PPP4R1: variants seen among roughly 807,000 people sequenced by gnomAD.
PPP4R1 encodes protein phosphatase 4 regulatory subunit 1.
Under a neutral mutation model 111.2 loss-of-function variants are expected in PPP4R1, and 42 were observed. That is an observed-to-expected ratio of 0.38 (90% CI 0.29 to 0.49). The LOEUF (loss-of-function observed/expected upper bound fraction) is 0.49. PPP4R1 is among the 20% of genes least tolerant of loss of function. The pLI, the probability that PPP4R1 is intolerant of heterozygous loss-of-function variation, is 0.97. For missense variants in PPP4R1, 1,012 were observed against 1,161.6 expected (o/e 0.87, Z 1.87); for synonymous variants, 409 against 405.5 (o/e 1.01, Z -0.10).
intron 2 of PPP4R1, among the ~76,000 whole-genome samples, chr18:9,597,048 G>T (rs1451377076): frequency 1.3e-5 from 2 of 152,182 alleles, no homozygotes; most frequent in Non-Finnish European, 1.5e-5. Flanking sequence ...CAGGAGGACT[G>T]TTTGAGCACG....
In PPP4R1 at chr18:9,588,379, T is replaced by C. The variant is rs1466493291; in HGVS notation, c.439-144A>G. On this transcript the variant is annotated intron_variant, in intron 5 of 19. Transcript: ENST00000400556. ...CAAATAAATATTTGTGTTTATTTTC[T>C]TCAACTATTACAAAGACTACAGAAC... The C allele has an allele frequency of 7.3e-6, 7 of 963,900 alleles. No individual in the cohort carries two copies. The East Asian group carries it at 1.6e-4, about 22-fold the overall frequency. The allele number at this position is 963,900 out of a possible 1,614,324, so 59.7% of individuals were successfully genotyped here.
intron 2 of PPP4R1, among the ~76,000 whole-genome samples, chr18:9,602,849 T>C (rs2067414326): frequency 6.9e-6 from 1 of 144,788 alleles, no homozygotes; most frequent in African/African-American, 2.7e-5. Context: ...ACCATAAAAT[T>C]GTACATAGTC....
chr18:9,559,684 AT>A (rs1568089996), intron 13 of PPP4R1, 80 bp from the exon 14 acceptor site: 1 of 1,056,476 alleles, frequency 9.5e-7, no homozygotes, highest in Non-Finnish European at 1.3e-6. Flanking sequence ...GGGCAAAATT[AT>A]TTTTAAATAT....
chr18:9,595,576 CATT>C (rs2067277788), intron 2 of PPP4R1, among the ~76,000 whole-genome samples: 1 of 152,144 alleles, frequency 6.6e-6, no homozygotes, highest in Admixed American at 6.6e-5. Flanking sequence ...AAGCTAAAAA[CATT>C]AATATATTTA....
At chr18:9,600,200 A>C (rs1340847482) in intron 2 of PPP4R1, among the ~76,000 whole-genome samples, 3 of 36,844 alleles carry the variant, frequency 8.1e-5, no homozygotes, top group South Asian at 8.9e-4. Flanking sequence ...ATTTCCCAAA[A>C]AAAAAAAAAA....
At chr18:9,552,148 C>G (rs1169551570) in intron 16 of PPP4R1, among the ~76,000 whole-genome samples, 1 of 152,194 alleles carries the variant, frequency 6.6e-6, no homozygotes, top group African/African-American at 2.4e-5. Context: ...TTTGAAAATG[C>G]AGGTGAGGTC....
Position 9,614,083 on chromosome 18 carries a change from C to T in PPP4R1, c.52+143G>A. On this transcript the variant is annotated intron_variant, in intron 2 of 19. Coordinates refer to ENST00000400556, the MANE Select transcript of PPP4R1 (RefSeq NM_001042388.3). This position sits in a 1 kb window ranked among gnomAD's most constrained non-coding sequence, Gnocchi z 4.1. ...CTCACGGACGCGAGATTTTCCCCCCCGATCGCCACCCCAGCCCGCCTGGGG... is the reference window on the plus strand; with the variant it reads ...CTCACGGACGCGAGATTTTCCCCCCTGATCGCCACCCCAGCCCGCCTGGGG... 1 of 648,910 alleles carries T rather than the reference C, an allele frequency of 1.5e-6. No individual in the cohort carries two copies. Among genetic ancestry groups the T allele is most frequent in the Non-Finnish European group, 2.1e-6 (1 of 475,450 alleles). 40.2% of individuals were successfully genotyped at this position (648,910 alleles called of 1,614,324 possible).
In PPP4R1 at chr18:9,546,859, GCA is replaced by G; in HGVS notation, c.*928_*929del. On this transcript the variant is annotated 3_prime_UTR_variant, in exon 20 of 20. Transcript: ENST00000400556. ...AAATCATTAATACAGGTCACAAATT[GCA>G]TTTATTGGTAGACATCTAGAAAACA... 6.6e-6 allele frequency: 1 copy of G among 152,262 alleles called. No homozygotes were observed. Among genetic ancestry groups the G allele is most frequent in the East Asian group, 1.9e-4 (1 of 5,184 alleles). 9.4% of individuals were successfully genotyped at this position (152,262 alleles called of 1,614,324 possible). A position where few individuals can be genotyped will look rare whatever the true frequency, so the allele number is the denominator to read the frequency against.
intron 13 of PPP4R1, among the ~76,000 whole-genome samples, chr18:9,561,487 A>G (rs1316229425): frequency 6.6e-6 from 1 of 152,126 alleles, no homozygotes; most frequent in Admixed American, 6.5e-5. Context: ...AAAAGAAAAG[A>G]GCAAGGCAAG....
chr18:9,578,148 T>C (rs1325355381), intron 9 of PPP4R1, among the ~76,000 whole-genome samples: 2 of 152,224 alleles, frequency 1.3e-5, no homozygotes, highest in Admixed American at 1.3e-4. Flanking sequence ...TATGGAAGGA[T>C]GGACACAATC....
intron 2 of PPP4R1, among the ~76,000 whole-genome samples, chr18:9,595,433 T>C (rs1343433754): frequency 6.6e-6 from 1 of 152,164 alleles, no homozygotes; most frequent in African/African-American, 2.4e-5. Flanking sequence ...GTGACCAGTC[T>C]TGAGAACATG....
chr18:9,578,974 G>C (rs925065880), intron 9 of PPP4R1, among the ~76,000 whole-genome samples: 1 of 152,182 alleles, frequency 6.6e-6, no homozygotes, highest in African/African-American at 2.4e-5. Context: ...CTTGTTGTTA[G>C]ATTAGAATGA....
chr18:9,548,535 T>C (rs773617255), intron 19 of PPP4R1, among the ~76,000 whole-genome samples: 17 of 152,030 alleles, frequency 1.1e-4, no homozygotes, highest in Non-Finnish European at 2.2e-4. Flanking sequence ...AGAGCAAACA[T>C]AGGTAGGTAC....
chr18:9,601,219 GA>G (rs1167894771), intron 2 of PPP4R1, among the ~76,000 whole-genome samples: 6,503 of 140,728 alleles, frequency 0.046, 432 homozygotes, highest in African/African-American at 0.15. Flanking sequence ...TTTTTTTGGG[GA>G]AAAAAAAAAA....
At chr18:9,572,540 A>G (rs936879739) in intron 10 of PPP4R1, among the ~76,000 whole-genome samples, 1 of 152,228 alleles carries the variant, frequency 6.6e-6, no homozygotes, top group Non-Finnish European at 1.5e-5. Flanking sequence ...CTGAATATGT[A>G]GGTAAATTTG....
intron 11 of PPP4R1, among the ~76,000 whole-genome samples, chr18:9,564,737 T>TGTGTGTGTGTGGGG (rs1475596391): frequency 8.8e-5 from 6 of 67,980 alleles, no homozygotes; most frequent in East Asian, 4.8e-4. Flanking sequence ...TGTGTGTGTG[T>TGTGTGTGTGTGGGG]GGGGGTATCA....
Position 9,570,229 on chromosome 18 carries a change from T to C in PPP4R1, c.1501A>G (p.Met501Val), listed in dbSNP as rs748719001. The C allele has an allele frequency of 5.1e-6, 8 of 1,582,438 alleles. No individual in the cohort carries two copies. In the Admixed American group the frequency reaches 1.4e-4, roughly 27 times the overall value. Residue 501 changes from methionine (M) to valine (V), a missense_variant, in exon 11 of 20, where the codon ATG becomes GTG. Transcript: ENST00000400556. ...GPVPSSPNIT[M>V]ATRKELEEMI... is the part of the protein sequence containing the mutation. ...TCTTCCAGTTCCTTTCTGGTGGCCA[T>C]GGTGATGTTTGGAGAACTGGGCACA... is the stretch of plus-strand genomic sequence containing the variant.
intron 10 of PPP4R1, among the ~76,000 whole-genome samples, chr18:9,571,358 C>A (rs2066858577): frequency 6.6e-6 from 1 of 152,094 alleles, no homozygotes; most frequent in Non-Finnish European, 1.5e-5. Flanking sequence ...CTGATTACTG[C>A]CATCTATTAT....
intron 10 of PPP4R1, among the ~76,000 whole-genome samples, chr18:9,571,301 C>T (rs889833366): frequency 6.6e-5 from 10 of 152,192 alleles, no homozygotes; most frequent in African/African-American, 2.4e-4. Context: ...AAAATGAGGA[C>T]ATAATTTAAT....
Sources: allele counts gnomAD v4.1 joint callset (sites outside exome capture counted in the v4.1 genomes callset), GRCh38; gene constraint gnomAD v4.1.1; non-coding constraint Gnocchi (gnomAD v3.1); transcripts MANE v1.5; gene names NCBI Gene and HGNC (gene_info 2026-07-23, HGNC 2026-07-21).